Variants in NELL1 observed in about 807,000 individuals in gnomAD.
NELL1 encodes the protein protein kinase C-binding protein NELL1.
In NELL1, 76 loss-of-function variants were observed where a neutral mutation model predicts 107.4. The ratio of observed to expected loss-of-function variants is 0.71; its 90% confidence interval spans 0.59 to 0.86. NELL1 has a LOEUF of 0.86. Ranked by LOEUF, NELL1 falls within the 40% of genes least tolerant of loss-of-function variation. The pLI is 0.00. For missense variants in NELL1, 1,024 were observed against 1,005.5 expected (o/e 1.02, Z -0.25); for synonymous variants, 353 against 341.2 (o/e 1.03, Z -0.38).
intron 12 of NELL1, among the ~76,000 whole-genome samples, chr11:21,071,774 A>T (rs771715270): frequency 3.9e-5 from 6 of 152,178 alleles, no homozygotes; most frequent in Non-Finnish European, 8.8e-5. Flanking sequence ...AGGGGAGAGG[A>T]TGGAAAGTTC....
chr11:20,975,189 T>G (rs984751049), intron 12 of NELL1, among the ~76,000 whole-genome samples: 37 of 151,918 alleles, frequency 2.4e-4, no homozygotes, highest in Non-Finnish European at 5.3e-4. Flanking sequence ...TTGTTTATTT[T>G]TTTTTTAGTA....
At chr11:20,948,849 A>G (rs566838406) in intron 11 of NELL1, among the ~76,000 whole-genome samples, 1 of 152,096 alleles carries the variant, frequency 6.6e-6, no homozygotes, top group South Asian at 2.1e-4. Context: ...AGATTCTCAA[A>G]TACCCAGTAA....
intron 2 of NELL1, among the ~76,000 whole-genome samples, chr11:20,689,049 T>C (rs554764909): frequency 2.6e-5 from 4 of 152,298 alleles, no homozygotes; most frequent in African/African-American, 9.6e-5. Flanking sequence ...ATATGCTTAT[T>C]GGCCGCTTAT....
At chr11:21,450,791 T>C (rs1853557009) in intron 15 of NELL1, among the ~76,000 whole-genome samples, 1 of 152,078 alleles carries the variant, frequency 6.6e-6, no homozygotes, top group Non-Finnish European at 1.5e-5. Flanking sequence ...AATAGTCCCT[T>C]TCTTAACATT....
chr11:20,995,669 T>C (rs1421893515), intron 12 of NELL1, among the ~76,000 whole-genome samples: 1 of 152,210 alleles, frequency 6.6e-6, no homozygotes, highest in Non-Finnish European at 1.5e-5. Context: ...TTCCCCTTTG[T>C]TATTTCCCTT....
chr11:20,779,803 C>T (rs1261268818), intron 2 of NELL1, among the ~76,000 whole-genome samples: 1 of 152,140 alleles, frequency 6.6e-6, no homozygotes, highest in Admixed American at 6.5e-5. Context: ...AATGTCAAGA[C>T]TAGGAAAGAA....
chr11:21,310,530 T>C (rs191453536), intron 14 of NELL1, among the ~76,000 whole-genome samples: 14 of 152,080 alleles, frequency 9.2e-5, no homozygotes, highest in African/African-American at 3.1e-4. Flanking sequence ...TACTGTGAAG[T>C]AATATTGAGT....
At chr11:21,207,070 T>G (rs1228149150) in intron 13 of NELL1, among the ~76,000 whole-genome samples, 4 of 152,338 alleles carry the variant, frequency 2.6e-5, no homozygotes, top group African/African-American at 9.6e-5. Context: ...CCTATTGGAC[T>G]AGGTGACTTA....
At chr11:21,281,995 AT>A (rs1205609113) in intron 14 of NELL1, among the ~76,000 whole-genome samples, 2 of 152,210 alleles carry the variant, frequency 1.3e-5, no homozygotes, top group East Asian at 3.9e-4. Context: ...AAGTGGGCAA[AT>A]GGGATCACAT....
chr11:21,102,869 A>C (rs1373574050), intron 12 of NELL1, among the ~76,000 whole-genome samples: 1 of 152,100 alleles, frequency 6.6e-6, no homozygotes, highest in Admixed American at 6.6e-5. Flanking sequence ...AGGAGTCTGG[A>C]CTTAGTGATT....
intron 16 of NELL1, among the ~76,000 whole-genome samples, chr11:21,558,732 C>G (rs1011858114): frequency 1.3e-5 from 2 of 151,890 alleles, no homozygotes; most frequent in Non-Finnish European, 2.9e-5. Context: ...ATAACTGTTA[C>G]GTGTAAAATG....
Position 20,881,846 on chromosome 11 carries a change from A to G in NELL1, c.507-3598A>G, listed in dbSNP as rs527531724. ...AATTGGCCATTCTAAATTTGCCTGT[A>G]TGTATCCCCATAGCCAGCACAGCAC... On this transcript the variant is annotated intron_variant, in intron 4 of 19. Transcript: ENST00000357134. Among the ~76,000 whole-genome samples, 323 of 152,282 alleles carry G rather than the reference A, an allele frequency of 2.1e-3. 12 individuals carry two copies. The South Asian group carries it at 0.064, about 30-fold the overall frequency.
intron 15 of NELL1, among the ~76,000 whole-genome samples, chr11:21,374,225 C>A (rs1381790165): frequency 6.6e-6 from 1 of 151,802 alleles, no homozygotes; most frequent in Non-Finnish European, 1.5e-5. Context: ...CTCATAGTTT[C>A]TATGGTTTGA....
chr11:21,447,913 A>G (rs889129462), intron 15 of NELL1, among the ~76,000 whole-genome samples: 1 of 152,144 alleles, frequency 6.6e-6, no homozygotes, highest in African/African-American at 2.4e-5. Context: ...TGACCACTGC[A>G]ATGAGCATTT....
intron 3 of NELL1, among the ~76,000 whole-genome samples, chr11:20,841,319 G>GGT (rs1848618514): frequency 1.6e-5 from 2 of 123,532 alleles, no homozygotes. Flanking sequence ...CTCTGCTCAT[G>GGT]TTTTTTTTTT....
At chr11:20,892,790 G>T (rs1590387085) in intron 5 of NELL1, among the ~76,000 whole-genome samples, 1 of 152,260 alleles carries the variant, frequency 6.6e-6, no homozygotes, top group East Asian at 1.9e-4. Flanking sequence ...TTAGCCGGGT[G>T]TGGCGGCACG....
chr11:21,419,461 G>A (rs1279005066), intron 15 of NELL1, among the ~76,000 whole-genome samples: 1 of 152,058 alleles, frequency 6.6e-6, no homozygotes, highest in African/African-American at 2.4e-5. Flanking sequence ...GACTTTTAGG[G>A]GTCACGGAAA....
chr11:21,323,891 T>A (rs1346051201), intron 14 of NELL1, among the ~76,000 whole-genome samples: 1 of 152,146 alleles, frequency 6.6e-6, no homozygotes, highest in Admixed American at 6.6e-5. Flanking sequence ...CAAAAATATG[T>A]TGAATGATAT....
intron 9 of NELL1, among the ~76,000 whole-genome samples, chr11:20,931,037 T>G (rs541266058): frequency 1.4e-3 from 213 of 152,272 alleles, no homozygotes; most frequent in African/African-American, 4.9e-3. Flanking sequence ...TTCTCACTAG[T>G]TTTTAATAGA....
Sources: allele counts gnomAD v4.1 joint callset (sites outside exome capture counted in the v4.1 genomes callset), GRCh38; gene constraint gnomAD v4.1.1; transcripts MANE v1.5; gene names NCBI Gene and HGNC (gene_info 2026-07-23, HGNC 2026-07-21).